ADAMTSL5: variants seen among roughly 807,000 people sequenced by gnomAD.
ADAMTSL5 encodes the protein ADAMTS-like protein 5.
ADAMTSL5 carries 53 observed loss-of-function variants against 51.7 expected under a neutral mutation model. The observed-to-expected ratio is 1.03, with a 90% CI of 0.82 to 1.29. The LOEUF (loss-of-function observed/expected upper bound fraction) is 1.29, where lower values mean the gene tolerates loss of function less well. Ranked by LOEUF, ADAMTSL5 falls within the 50% of genes most tolerant of loss-of-function variation. ADAMTSL5 has a pLI of 0.00. For synonymous variants in ADAMTSL5, 285 were observed against 278.7 expected, an observed-to-expected ratio of 1.02 and a Z score of -0.23; for missense variants, 770 against 676.2, an observed-to-expected ratio of 1.14 and a Z score of -1.54.
At chr19:1,511,785 C>A in intron 1 of ADAMTSL5, 1 of 347,960 alleles carries the variant, frequency 2.9e-6, no homozygotes, top group South Asian at 2.1e-5. Context: ...AGAAGAGGCC[C>A]TCAGCTGCAC....
At position 1,508,561 on chromosome 19, in the gene ADAMTSL5, T is replaced by C. The variant is rs780832588; in HGVS notation, c.371A>G (p.Gln124Arg). The change falls in exon 6 of 12, where the codon CAG (glutamine) becomes CGG (arginine). Residue 124 changes from glutamine to arginine, a missense_variant. Physicochemically the swap from Gln to Arg is conservative, Grantham distance 43. Transcript: ENST00000330475. ...CTCAGCCAGGCAGTTGAGGTCGCAC[T>C]GGTTGGGCGCTGAGGGCAGGAGGAG... ...QWVPFHGAPN[Q>R]CDLNCLAEGH... 1.9e-6 allele frequency: 3 copies of C among 1,560,718 alleles called. No individual in the cohort carries two copies. The Admixed American group carries it at 5.5e-5, about 28-fold the overall frequency.
intron 1 of ADAMTSL5, chr19:1,511,759 C>A: frequency 2.4e-6 from 1 of 420,612 alleles, no homozygotes; most frequent in Non-Finnish European, 4.6e-6. Flanking sequence ...GGGGCTGGAT[C>A]AGGAGTTGGG....
chr19:1,511,194 T>C (rs112854133), intron 1 of ADAMTSL5, 34 bp from the exon 2 acceptor site: 8 of 167,570 alleles, frequency 4.8e-5, no homozygotes, highest in African/African-American at 2.9e-4. Context: ...TAGTTTGTTT[T>C]TGAGACGGAG....
chr19:1,510,301 A>C (rs1314593698), intron 4 of ADAMTSL5, 43 bp from the exon 5 acceptor site: 1 of 1,612,860 alleles, frequency 6.2e-7, no homozygotes, highest in East Asian at 2.2e-5. Flanking sequence ...GACAACCCCA[A>C]GGGGCAGGTG....
At position 1,510,521 on chromosome 19, in the gene ADAMTSL5, C is replaced by T. The variant is rs1913205305; in HGVS notation, c.192-93G>A. The T allele has an allele frequency of 3.5e-5, 53 of 1,503,388 alleles. 1 individual carries two copies. The South Asian group carries it at 6.4e-4, about 18-fold the overall frequency. 93.1% of individuals were successfully genotyped at this position (1,503,388 alleles called of 1,614,324 possible). A position where few individuals can be genotyped will look rare whatever the true frequency, so the allele number is the denominator to read the frequency against. The stretch of plus-strand genomic sequence containing the variant: ...GCCCCCGCCAACCCCACCCGCATTC[C>T]AGCGGGATCAGGGGGATTAAAGGGC... On this transcript the variant is annotated intron_variant, in intron 3 of 11. Transcript: ENST00000330475.
rs574092918 is a variant in ADAMTSL5, at chr19:1,508,134, C to T, written c.490-25G>A. ...TCTAAAGGGTGAAGGACAGGCGCGG[C>T]GTCACTGACGCTGGGAGGGGCAGGA... On this transcript the variant is annotated intron_variant, in intron 6 of 11. Transcript: ENST00000330475. 5.6e-5 allele frequency: 89 copies of T among 1,587,912 alleles called. No individual in the cohort carries two copies. The South Asian group carries it at 9.0e-4, about 16-fold the overall frequency.
chr19:1,507,527 G>T lies in ADAMTSL5; in HGVS notation c.688+30C>A. On this transcript the variant is annotated intron_variant, in intron 8 of 11. Coordinates refer to ENST00000330475, the MANE Select transcript of ADAMTSL5 (RefSeq NM_213604.3). The stretch of plus-strand genomic sequence containing the variant: ...GACAACCGCCCCCGGGTGCCCAGCC[G>T]GGTGCCTCTCGCCTCACATCCTAGG... 1.9e-6 allele frequency: 3 copies of T among 1,612,106 alleles called. No homozygotes were observed. In the East Asian group the frequency reaches 6.7e-5, roughly 36 times the overall value.
At chr19:1,509,653 G>GAAGA in intron 5 of ADAMTSL5, among the ~76,000 whole-genome samples, 1 of 49,206 alleles carries the variant, frequency 2.0e-5, no homozygotes, top group East Asian at 4.5e-4. Context: ...AGGGAGGAAG[G>GAAGA]AAGGGAAGGG....
chr19:1,506,437 G>A lies in ADAMTSL5; in HGVS notation c.1115-121C>T. 1.4e-6 allele frequency: 2 copies of A among 1,452,532 alleles called. No individual in the cohort carries two copies. Among genetic ancestry groups the A allele is most frequent in the Non-Finnish European group, 9.4e-7 (1 of 1,063,652 alleles). The allele number at this position is 1,452,532 out of a possible 1,614,324, so 90.0% of individuals were successfully genotyped here. On this transcript the variant is annotated intron_variant, in intron 11 of 11. Transcript: ENST00000330475. The surrounding 1 kb of genome is among the most constrained non-coding windows in gnomAD (Gnocchi z 5.6). ...GACCTCGGGATCTATAGGGACTAGA[G>A]TCAGGATCACGTCAGGGATCAATGA...
chr19:1,510,501 C>G, intron 3 of ADAMTSL5, 73 bp from the exon 4 acceptor site: 1 of 1,520,902 alleles, frequency 6.6e-7, no homozygotes, highest in Non-Finnish European at 8.8e-7. Context: ...CCTCCGCCCC[C>G]GCCAACCCCA....
Position 1,507,251 on chromosome 19 carries a change from C to T in ADAMTSL5, c.843G>A (p.Leu281=), listed in dbSNP as rs755210027. The change falls in exon 9 of 12, where the codon CTG becomes CTA. Residue 281 remains leucine (L), a synonymous_variant. Transcript: ENST00000330475. ...GGAGGCCCAGTGGCACCTGTAGGAG[C>T]AGGTCATGGGAGGTGGGCCCGGCTG... ...LQAAGPTSHD[L]LLQVLLQEPN... is the part of the protein sequence containing the mutation. 1 of 1,534,730 alleles carries T rather than the reference C, an allele frequency of 6.5e-7. No individual in the cohort carries two copies. Among genetic ancestry groups the T allele is most frequent in the South Asian group, 1.3e-5 (1 of 77,798 alleles).
Position 1,505,931 on chromosome 19 carries a change from C to T in ADAMTSL5, c.*84G>A, listed in dbSNP as rs1912892728. On this transcript the variant is annotated 3_prime_UTR_variant, in exon 12 of 12. Coordinates refer to ENST00000330475, the MANE Select transcript of ADAMTSL5 (RefSeq NM_213604.3). The stretch of plus-strand genomic sequence containing the variant: ...ACGTATTTCAGAGCTGCCTGGAAGC[C>T]AGGGTGAGAGGGGAAATACGTTGAC... The T allele has an allele frequency of 7.0e-7, 1 of 1,423,728 alleles. No individual in the cohort carries two copies. Among genetic ancestry groups the T allele is most frequent in the African/African-American group, 1.4e-5 (1 of 69,364 alleles). 88.2% of individuals were successfully genotyped at this position (1,423,728 alleles called of 1,614,324 possible).
Position 1,506,270 on chromosome 19 carries a change from G to T in ADAMTSL5, c.1161C>A (p.Thr387=). The change falls in exon 12 of 12, where the codon ACC becomes ACA. Residue 387 remains threonine (T), a synonymous_variant. Coordinates refer to ENST00000330475, the MANE Select transcript of ADAMTSL5 (RefSeq NM_213604.3). The surrounding 1 kb of genome is among the most constrained non-coding windows in gnomAD (Gnocchi z 5.6). The part of the protein sequence containing the change: ...VLGHHHQAQE[T]RYEVRIQLVY... Reference sequence around the variant, plus strand: ...CGAGCTGGATGCGCACCTCATAGCGGGTCTCCTGGGCCTGGTGGTGGTGGC... The same window carrying T: ...CGAGCTGGATGCGCACCTCATAGCGTGTCTCCTGGGCCTGGTGGTGGTGGC... 1.3e-6 allele frequency: 2 copies of T among 1,561,674 alleles called. No homozygotes were observed. Among genetic ancestry groups the T allele is most frequent in the Non-Finnish European group, 1.7e-6 (2 of 1,150,574 alleles).
intron 3 of ADAMTSL5, 56 bp from the exon 4 acceptor site, chr19:1,510,484 C>T (rs538444618): frequency 1.9e-5 from 29 of 1,544,146 alleles, no homozygotes; most frequent in Non-Finnish European, 2.3e-5. Context: ...CAGGGCTGGC[C>T]TTCCACCCTC....
At position 1,506,010 on chromosome 19, in the gene ADAMTSL5, G is replaced by A. The variant is rs1254380244; in HGVS notation, c.*5C>T. 3.9e-6 allele frequency: 6 copies of A among 1,541,036 alleles called. No individual in the cohort carries two copies. The East Asian group carries it at 1.1e-4, about 30-fold the overall frequency. ...GCTGTGTGTGGCCGGGGCTCCTGCA[G>A]GGGCTCAGCCAGGACAGCGCCGGGC... On this transcript the variant is annotated 3_prime_UTR_variant, in exon 12 of 12. Coordinates refer to ENST00000330475, the MANE Select transcript of ADAMTSL5 (RefSeq NM_213604.3). The surrounding 1 kb of genome is among the most constrained non-coding windows in gnomAD (Gnocchi z 5.6).
At position 1,508,504 on chromosome 19, in the gene ADAMTSL5, A is replaced by G. The variant is rs753045010; in HGVS notation, c.428T>C (p.Val143Ala). Residue 143 changes from valine (V) to alanine (A), a missense_variant, in exon 6 of 12, where the codon GTC (valine) becomes GCC (alanine). Physicochemically the swap from Val to Ala is moderately conservative, Grantham distance 64. Transcript: ENST00000330475. ...CGGGCTGCAGGCGGTGCCGTCCAGG[A>G]CGCGGCCGAAGCTGTGGTAGAAGGC... ...GHAFYHSFGR[V>A]LDGTACSPGA... The G allele has an allele frequency of 6.3e-7, 1 of 1,587,142 alleles. No homozygotes were observed. Among genetic ancestry groups the G allele is most frequent in the Admixed American group, 1.7e-5 (1 of 58,694 alleles).
At chr19:1,508,415 G>A (rs1440292664) in intron 6 of ADAMTSL5, 28 bp downstream of exon 6, 4 of 1,492,796 alleles carry the variant, frequency 2.7e-6, no homozygotes, top group Non-Finnish European at 3.6e-6. Context: ...GGTGGGCGGG[G>A]CTCGGGCGGG....
In ADAMTSL5 at chr19:1,508,017, C is replaced by T. The variant is rs569065907; in HGVS notation, c.582G>A (p.Gln194=). 1 of 1,603,554 alleles carries T rather than the reference C, an allele frequency of 6.2e-7. No homozygotes were observed. The highest frequency in any genetic ancestry group is 1.7e-5 in the Admixed American group (1 of 58,606). ...AGTCACCGGCGTCACGAAACACGCGCTGCACGAAAAGGCACGAGTCGTTGG... is the reference window on the plus strand; with the variant it reads ...AGTCACCGGCGTCACGAAACACGCGTTGCACGAAAAGGCACGAGTCGTTGG... The part of the protein sequence containing the change: ...GGANDSCLFV[Q]RVFRDAGAFA... The change falls in exon 7 of 12, where the codon CAG becomes CAA. Residue 194 remains glutamine, a synonymous_variant. Coordinates refer to ENST00000330475, the MANE Select transcript of ADAMTSL5 (RefSeq NM_213604.3).
At chr19:1,509,204 A>G (rs908853769) in intron 5 of ADAMTSL5, among the ~76,000 whole-genome samples, 1 of 149,734 alleles carries the variant, frequency 6.7e-6, no homozygotes, top group African/African-American at 2.5e-5. Flanking sequence ...GTAGTGAGCC[A>G]AGATCATGCC....
Sources: allele counts gnomAD v4.1 joint callset (sites outside exome capture counted in the v4.1 genomes callset), GRCh38; gene constraint gnomAD v4.1.1; non-coding constraint Gnocchi (gnomAD v3.1); transcripts MANE v1.5; gene names NCBI Gene and HGNC (gene_info 2026-07-23, HGNC 2026-07-21).